Variants in RTCB observed in about 807,000 individuals in gnomAD.
RTCB encodes the protein RNA-splicing ligase RTCB.
RTCB carries 32 observed loss-of-function variants against 58.2 expected under a neutral mutation model. That is an observed-to-expected ratio of 0.55 (90% CI 0.41 to 0.74). The LOEUF is 0.74. RTCB is among the 30% of genes least tolerant of loss of function. The pLI, the probability that RTCB is intolerant of heterozygous loss-of-function variation, is 0.00. For synonymous variants in RTCB, 247 were observed against 218.6 expected (o/e 1.13, Z -1.15); for missense variants, 523 against 639.0 (o/e 0.82, Z 1.96).
intron 4 of RTCB, among the ~76,000 whole-genome samples, chr22:32,404,820 C>T (rs1933393426): frequency 6.6e-6 from 1 of 152,040 alleles, no homozygotes; most frequent in African/African-American, 2.4e-5. Flanking sequence ...ACTGGCACTA[C>T]AGGCGCATGC....
At chr22:32,400,316 G>A (rs1933315318) in intron 5 of RTCB, among the ~76,000 whole-genome samples, 1 of 151,200 alleles carries the variant, frequency 6.6e-6, no homozygotes, top group Non-Finnish European at 1.5e-5. Flanking sequence ...TTTTGAAGCT[G>A]AGGTACACGT....
intron 4 of RTCB, among the ~76,000 whole-genome samples, chr22:32,405,502 G>A (rs1343130056): frequency 1.3e-5 from 2 of 152,156 alleles, no homozygotes; most frequent in Non-Finnish European, 2.9e-5. Flanking sequence ...AACCACACAT[G>A]TATATTAGAG....
chr22:32,396,942 T>C (rs73881684), intron 7 of RTCB, among the ~76,000 whole-genome samples: 5,261 of 152,278 alleles, frequency 0.035, 291 homozygotes, highest in African/African-American at 0.12. Context: ...ACTGCGTCTG[T>C]TGCCCAGAAG....
intron 5 of RTCB, chr22:32,400,010 C>T (rs753246813): frequency 6.0e-6 from 2 of 334,374 alleles, no homozygotes; most frequent in Non-Finnish European, 1.1e-5. Context: ...ATTTATACTG[C>T]TCCTTGTTAA....
At position 32,404,365 on chromosome 22, in the gene RTCB, A is replaced by G. The variant is rs141117937; in HGVS notation, c.340+2297T>C. 5.6e-4 allele frequency among the ~76,000 whole-genome samples: 86 copies of G among 152,246 alleles called. 1 individual carries two copies. The East Asian group carries it at 0.016, about 28-fold the overall frequency. Reference sequence around the variant, plus strand: ...TTACATTAGTTATTTTCTCATTTCCATAGTTTTGTTTTTGACTCATGGGTT... The same window carrying G: ...TTACATTAGTTATTTTCTCATTTCCGTAGTTTTGTTTTTGACTCATGGGTT... On this transcript the variant is annotated intron_variant, in intron 4 of 11. Transcript: ENST00000216038.
chr22:32,394,044 A>G, intron 9 of RTCB, 42 bp from the exon 10 acceptor site: 1 of 1,390,390 alleles, frequency 7.2e-7, no homozygotes. Context: ...ATTCAGAAAA[A>G]CATAGGCTTT....
chr22:32,392,409 C>T (rs1334217875), intron 10 of RTCB, 50 bp from the exon 11 acceptor site: 16 of 1,612,148 alleles, frequency 9.9e-6, no homozygotes, highest in Non-Finnish European at 1.3e-5. Context: ...GATGATAAGC[C>T]CTTTCCCTGA....
At chr22:32,405,203 G>A (rs1435386851) in intron 4 of RTCB, among the ~76,000 whole-genome samples, 2 of 152,112 alleles carry the variant, frequency 1.3e-5, no homozygotes, top group Non-Finnish European at 2.9e-5. Context: ...TGTTCTAATG[G>A]ATGAGACATG....
At chr22:32,404,469 T>C (rs1265026095) in intron 4 of RTCB, among the ~76,000 whole-genome samples, 1 of 152,180 alleles carries the variant, frequency 6.6e-6, no homozygotes, top group Admixed American at 6.5e-5. Context: ...TGCAGCGGTG[T>C]GATCATAGCT....
intron 11 of RTCB, among the ~76,000 whole-genome samples, chr22:32,388,305 T>C (rs1933092750): frequency 1.3e-5 from 2 of 152,132 alleles, no homozygotes; most frequent in East Asian, 1.9e-4. Flanking sequence ...TTTTTTTTTT[T>C]CTGTATTTTT....
At chr22:32,396,305 C>A in intron 7 of RTCB, 56 bp from the exon 8 acceptor site, 2 of 1,537,036 alleles carry the variant, frequency 1.3e-6, no homozygotes, top group Admixed American at 1.8e-5. Context: ...ATGAACAGTT[C>A]AGATTTACTG....
chr22:32,410,536 A>G (rs1226073248), intron 1 of RTCB, among the ~76,000 whole-genome samples: 2 of 152,138 alleles, frequency 1.3e-5, no homozygotes, highest in East Asian at 3.9e-4. Context: ...TTCCCAAAGG[A>G]AAGGTGGTAG....
chr22:32,403,020 T>C (rs1933363345), intron 4 of RTCB, among the ~76,000 whole-genome samples: 1 of 152,122 alleles, frequency 6.6e-6, no homozygotes, highest in African/African-American at 2.4e-5. Context: ...GCTGGAATTA[T>C]AGGTATGAGC....
intron 8 of RTCB, among the ~76,000 whole-genome samples, chr22:32,395,797 C>A (rs1322038222): frequency 6.6e-6 from 1 of 152,154 alleles, no homozygotes; most frequent in African/African-American, 2.4e-5. Flanking sequence ...CAGGTTCACA[C>A]CATTCTGCTG....
At position 32,408,178 on chromosome 22, in the gene RTCB, A is replaced by G. The variant is rs750200186; in HGVS notation, c.237T>C (p.Val79=). 16 of 1,613,954 alleles carry G rather than the reference A, an allele frequency of 9.9e-6. No individual in the cohort carries two copies. The highest frequency in any genetic ancestry group is 2.7e-5 in the African/African-American group (2 of 74,936). The change falls in exon 3 of 12, where the codon GTT becomes GTC. Residue 79 remains valine (V), a synonymous_variant. Transcript: ENST00000216038. ...IGNVAALPGI[V]HRSIGLPDVH... is the part of the protein sequence containing the mutation. Reference sequence around the variant, plus strand: ...AAAGTTCTGAACTCTGACTCACATGAACAATTCCAGGCAGGGCTGCCACAT... The same window carrying G: ...AAAGTTCTGAACTCTGACTCACATGGACAATTCCAGGCAGGGCTGCCACAT...
chr22:32,406,013 C>T (rs1437801814), intron 4 of RTCB, among the ~76,000 whole-genome samples: 1 of 152,106 alleles, frequency 6.6e-6, no homozygotes, highest in Non-Finnish European at 1.5e-5. Context: ...CTGAACTCAT[C>T]TAAGCTACTA....
intron 9 of RTCB, 79 bp downstream of exon 9, chr22:32,394,947 C>T (rs989415229): frequency 7.9e-6 from 10 of 1,259,230 alleles, no homozygotes; most frequent in East Asian, 4.7e-5. Context: ...TGCTGCTTTT[C>T]GTTTTAAATG....
rs576365773 is a variant in RTCB, at chr22:32,404,917, GC to G, written c.340+1744del. Among the ~76,000 whole-genome samples the G allele has an allele frequency of 3.1e-3, 463 of 151,144 alleles. 3 individuals are homozygous for G. The highest frequency in any genetic ancestry group is 0.016 in the South Asian group (75 of 4,788). On this transcript the variant is annotated intron_variant, in intron 4 of 11. Transcript: ENST00000216038. ...CCCCTGGCTGTTCTCAAACTCCTGAGCTCAAGCCATCCGCCCGCCTTGGCCT... is the reference window on the plus strand; with the variant it reads ...CCCCTGGCTGTTCTCAAACTCCTGAGTCAAGCCATCCGCCCGCCTTGGCCT...
intron 4 of RTCB, among the ~76,000 whole-genome samples, chr22:32,406,128 T>C (rs1230700509): frequency 3.9e-5 from 6 of 152,208 alleles, no homozygotes; most frequent in Non-Finnish European, 1.5e-5. Context: ...AAAGTCTGAA[T>C]ACCATGATGT....
Sources: allele counts gnomAD v4.1 joint callset (sites outside exome capture counted in the v4.1 genomes callset), GRCh38; gene constraint gnomAD v4.1.1; transcripts MANE v1.5; gene names NCBI Gene and HGNC (gene_info 2026-07-23, HGNC 2026-07-21).